Variants in CHL1 observed in about 807,000 individuals in gnomAD.
CHL1 encodes the protein neural cell adhesion molecule L1-like protein.
Under a neutral mutation model 141.9 loss-of-function variants are expected in CHL1, and 96 were observed. That is an observed-to-expected ratio of 0.68 (90% confidence interval 0.57 to 0.80). CHL1 has a LOEUF of 0.80. Among genes scored for constraint, CHL1 ranks in the 30% least tolerant of loss-of-function variants. The pLI, the probability that CHL1 is intolerant of heterozygous loss-of-function variation, is 0.00. For synonymous variants in CHL1, 613 were observed against 502.2 expected, an observed-to-expected ratio of 1.22 and a Z score of -2.95; for missense variants, 1,820 against 1,457.2, an observed-to-expected ratio of 1.25 and a Z score of -4.05.
chr3:386,210 A>G (rs75535315), intron 19 of CHL1, among the ~76,000 whole-genome samples: 2 of 752 alleles, frequency 2.7e-3, no homozygotes, highest in South Asian at 0.25. Flanking sequence ...CATAATTTGA[A>G]AAAAAAAAAA....
chr3:268,069 T>G (rs746256576), intron 2 of CHL1, among the ~76,000 whole-genome samples: 1 of 152,224 alleles, frequency 6.6e-6, no homozygotes, highest in Non-Finnish European at 1.5e-5. Context: ...TGTTTATTCT[T>G]GCTTCAAATG....
At chr3:372,652 T>C (rs35220113) in intron 15 of CHL1, among the ~76,000 whole-genome samples, 4 of 152,088 alleles carry the variant, frequency 2.6e-5, no homozygotes, top group Non-Finnish European at 4.4e-5. Flanking sequence ...GCGCCCTTGG[T>C]GGAGAGACAT....
At chr3:351,204 C>T (rs751219732) in intron 10 of CHL1, among the ~76,000 whole-genome samples, 2 of 152,152 alleles carry the variant, frequency 1.3e-5, no homozygotes, top group Non-Finnish European at 2.9e-5. Context: ...AAAGATGTAA[C>T]ATTAATTATG....
intron 2 of CHL1, among the ~76,000 whole-genome samples, chr3:275,231 T>G (rs1695983106): frequency 6.6e-6 from 1 of 152,262 alleles, no homozygotes; most frequent in Non-Finnish European, 1.5e-5. Flanking sequence ...GCAGTGTGGC[T>G]CATTATCTAG....
At chr3:346,906 G>C (rs550060503) in intron 9 of CHL1, among the ~76,000 whole-genome samples, 107 of 152,232 alleles carry the variant, frequency 7.0e-4, no homozygotes, top group African/African-American at 2.5e-3. Flanking sequence ...TTGAAAACTA[G>C]TCTAATTGTC....
chr3:396,209 A>T (rs1300892109), intron 24 of CHL1, among the ~76,000 whole-genome samples: 2 of 152,192 alleles, frequency 1.3e-5, no homozygotes, highest in Non-Finnish European at 1.5e-5. Flanking sequence ...TAAAAGTTAG[A>T]CTTAAAGATG....
chr3:293,671 A>G (rs1000974006), intron 2 of CHL1, among the ~76,000 whole-genome samples: 3 of 152,240 alleles, frequency 2.0e-5, no homozygotes, highest in Non-Finnish European at 4.4e-5. Flanking sequence ...GTTTCCTGCA[A>G]CTTTCACTTT....
At chr3:211,623 A>G (rs1699910135) in intron 1 of CHL1, among the ~76,000 whole-genome samples, 1 of 152,156 alleles carries the variant, frequency 6.6e-6, no homozygotes, top group South Asian at 2.1e-4. Flanking sequence ...CCTCTGAAGC[A>G]TTATCCCATC....
In CHL1 at chr3:237,473, A is replaced by G. The variant is rs79159135; in HGVS notation, c.-174-7140A>G. 2.0e-4 allele frequency among the ~76,000 whole-genome samples: 31 copies of G among 152,358 alleles called. No homozygotes were observed. In the East Asian group the frequency reaches 5.6e-3, roughly 27 times the overall value. On this transcript the variant is annotated intron_variant, in intron 1 of 27. Transcript: ENST00000256509. ...AATACAGCCTCCTTTAGACAGTTGA[A>G]TATAGCTTAAAAATAGTAAAAGACT...
intron 2 of CHL1, among the ~76,000 whole-genome samples, chr3:288,055 A>G (rs777932701): frequency 1.1e-4 from 16 of 152,254 alleles, no homozygotes; most frequent in Non-Finnish European, 1.9e-4. Flanking sequence ...GGCATGAGCC[A>G]CTATGACCCG....
chr3:316,370 T>C (rs972913931), intron 2 of CHL1, among the ~76,000 whole-genome samples: 3 of 151,960 alleles, frequency 2.0e-5, no homozygotes, highest in African/African-American at 4.8e-5. Flanking sequence ...CAGTAAGATA[T>C]GTATTATGTT....
chr3:390,021 G>T (rs1223237959), intron 20 of CHL1, among the ~76,000 whole-genome samples: 1 of 152,176 alleles, frequency 6.6e-6, no homozygotes, highest in African/African-American at 2.4e-5. Context: ...CTAATACTGT[G>T]AATAATATTA....
At chr3:266,807 T>C (rs943478629) in intron 2 of CHL1, among the ~76,000 whole-genome samples, 1 of 152,186 alleles carries the variant, frequency 6.6e-6, no homozygotes, top group African/African-American at 2.4e-5. Flanking sequence ...CAATGTTCAG[T>C]GGAGGGCACT....
intron 1 of CHL1, among the ~76,000 whole-genome samples, chr3:211,744 C>T (rs1035024732): frequency 3.3e-5 from 5 of 152,106 alleles, no homozygotes; most frequent in Non-Finnish European, 7.4e-5. Context: ...AGGCAAAATG[C>T]GATATACACA....
chr3:245,118 T>C (rs1199884842), intron 2 of CHL1, among the ~76,000 whole-genome samples: 2 of 152,158 alleles, frequency 1.3e-5, no homozygotes, highest in Non-Finnish European at 2.9e-5. Context: ...AGCTCACGCT[T>C]CATAGTCTGA....
chr3:214,561 T>A (rs1700152760), intron 1 of CHL1, among the ~76,000 whole-genome samples: 1 of 152,208 alleles, frequency 6.6e-6, no homozygotes, highest in East Asian at 1.9e-4. Flanking sequence ...ACTTGTTAAA[T>A]CTATTTTATA....
At chr3:311,552 G>C (rs762309350) in intron 2 of CHL1, among the ~76,000 whole-genome samples, 11 of 152,004 alleles carry the variant, frequency 7.2e-5, no homozygotes, top group Non-Finnish European at 1.3e-4. Context: ...AACCCCAGCT[G>C]CTCCCACATA....
chr3:399,260 C>T (rs1222714231), intron 26 of CHL1, 112 bp downstream of exon 26: 3 of 802,858 alleles, frequency 3.7e-6, no homozygotes, highest in South Asian at 1.6e-5. Context: ...TTTATATTAG[C>T]AAGTTAGATG....
intron 2 of CHL1, among the ~76,000 whole-genome samples, chr3:289,642 A>G (rs1697484626): frequency 6.6e-6 from 1 of 152,100 alleles, no homozygotes; most frequent in Non-Finnish European, 1.5e-5. Context: ...CTTATTTTAT[A>G]TGTATTTCTG....
Sources: allele counts gnomAD v4.1 joint callset (sites outside exome capture counted in the v4.1 genomes callset), GRCh38; gene constraint gnomAD v4.1.1; transcripts MANE v1.5; gene names NCBI Gene and HGNC (gene_info 2026-07-23, HGNC 2026-07-21).